The following PARD3B variants were observed in gnomAD, a reference collection of about 807,000 sequenced individuals.
PARD3B encodes par-3 family cell polarity regulator beta, also known as partitioning defective 3 homolog B.
In PARD3B, 103 loss-of-function variants were observed where a neutral mutation model predicts 130.2. The ratio of observed to expected loss-of-function variants is 0.79; its 90% CI spans 0.67 to 0.93. PARD3B has a LOEUF of 0.93. PARD3B is among the 40% of genes least tolerant of loss of function. The pLI is 0.00. For synonymous variants in PARD3B, 583 were observed against 553.2 expected, an observed-to-expected ratio of 1.05 and a Z score of -0.76; for missense variants, 1,609 against 1,499.2, an observed-to-expected ratio of 1.07 and a Z score of -1.21.
At chr2:205,484,278 A>G (rs575486093) in intron 20 of PARD3B, among the ~76,000 whole-genome samples, 2 of 152,314 alleles carry the variant, frequency 1.3e-5, no homozygotes, top group African/African-American at 2.4e-5. Flanking sequence ...GAACACAACA[A>G]ATCCTCTAGG....
chr2:204,600,095 A>T (rs1462985660), intron 1 of PARD3B, among the ~76,000 whole-genome samples: 1 of 151,378 alleles, frequency 6.6e-6, no homozygotes, highest in African/African-American at 2.4e-5. Flanking sequence ...CCCCTGTCAG[A>T]TTGCATGTAT....
chr2:205,153,273 T>A (rs1305478786), intron 10 of PARD3B, among the ~76,000 whole-genome samples: 6 of 152,128 alleles, frequency 3.9e-5, no homozygotes, highest in Non-Finnish European at 7.3e-5. Context: ...TGTTCTCAGA[T>A]CTCAAACTCC....
At chr2:205,505,641 C>T in intron 21 of PARD3B, among the ~76,000 whole-genome samples, 1 of 152,178 alleles carries the variant, frequency 6.6e-6, no homozygotes, top group East Asian at 1.9e-4. Context: ...CAGAGGAAAA[C>T]ATAATACCTG....
At chr2:205,347,349 A>C (rs1289115980) in intron 18 of PARD3B, among the ~76,000 whole-genome samples, 1 of 152,262 alleles carries the variant, frequency 6.6e-6, no homozygotes, top group African/African-American at 2.4e-5. Context: ...GAGTAAAATA[A>C]CCCCTTAAAA....
In PARD3B at chr2:204,705,928, A is replaced by G. The variant is rs559602592; in HGVS notation, c.222+19646A>G. On this transcript the variant is annotated intron_variant, in intron 2 of 22. Transcript: ENST00000406610. ...ACTATGCGGTCCTTTAGTGCTGATC[A>G]TATTTCTGTTCTAAATACTTGGTGC... Among the ~76,000 whole-genome samples the G allele has an allele frequency of 9.2e-5, 14 of 152,246 alleles. No homozygotes were observed. In the East Asian group the frequency reaches 1.4e-3, roughly 15 times the overall value.
Position 204,890,763 on chromosome 2 carries a change from C to G in PARD3B, c.223-74389C>G, listed in dbSNP as rs1246620476. On this transcript the variant is annotated intron_variant, in intron 2 of 22. Transcript: ENST00000406610. This position sits in a 1 kb window ranked among gnomAD's most constrained non-coding sequence, Gnocchi z 4.9. ...AGGGATGTCCCCTCTTGCTCAGCCTCCCATCCTGTGTTCCCTCACTCATTT... is the reference window on the plus strand; with the variant it reads ...AGGGATGTCCCCTCTTGCTCAGCCTGCCATCCTGTGTTCCCTCACTCATTT... 6.6e-6 allele frequency among the ~76,000 whole-genome samples: 1 copy of G among 152,232 alleles called. No homozygotes were observed. The highest frequency in any genetic ancestry group is 1.5e-5 in the Non-Finnish European group (1 of 68,046).
intron 3 of PARD3B, among the ~76,000 whole-genome samples, chr2:205,007,376 G>T (rs1695355220): frequency 6.6e-6 from 1 of 152,226 alleles, no homozygotes; most frequent in Non-Finnish European, 1.5e-5. Flanking sequence ...TAGGATGAGA[G>T]ATGGCGATCC....
At chr2:204,683,190 G>A in intron 1 of PARD3B, among the ~76,000 whole-genome samples, 1 of 152,060 alleles carries the variant, frequency 6.6e-6, no homozygotes, top group East Asian at 1.9e-4. Flanking sequence ...ATGATCCTAG[G>A]AGTATAAGTA....
intron 2 of PARD3B, among the ~76,000 whole-genome samples, chr2:204,771,570 A>G (rs1039448297): frequency 8.5e-5 from 13 of 152,080 alleles, no homozygotes; most frequent in African/African-American, 3.1e-4. Context: ...GTAGGGTACT[A>G]TGCTCACCAC....
rs2030679474 is a variant in PARD3B, at chr2:205,121,276, G to C, written c.807-315G>C. ...AACATGTAAAAGCTGTGGGTCATTG[G>C]ATAAATTATTTCATCTCTCTGAGCC... On this transcript the variant is annotated intron_variant, in intron 7 of 22. Coordinates refer to ENST00000406610, the MANE Select transcript of PARD3B (RefSeq NM_001302769.2). The surrounding 1 kb of genome is among the most constrained non-coding windows in gnomAD (Gnocchi z 5.0). Among the ~76,000 whole-genome samples, 1 of 152,180 alleles carries C rather than the reference G, an allele frequency of 6.6e-6. No homozygotes were observed. Among genetic ancestry groups the C allele is most frequent in the African/African-American group, 2.4e-5 (1 of 41,452 alleles).
At chr2:205,375,799 AG>A (rs1234406545) in intron 18 of PARD3B, among the ~76,000 whole-genome samples, 4 of 152,240 alleles carry the variant, frequency 2.6e-5, no homozygotes, top group African/African-American at 9.6e-5. Context: ...GACAGACTAG[AG>A]GAGAGGTCTT....
intron 1 of PARD3B, among the ~76,000 whole-genome samples, chr2:204,567,166 C>T (rs2031725611): frequency 1.3e-5 from 2 of 152,204 alleles, no homozygotes; most frequent in African/African-American, 2.4e-5. Flanking sequence ...AGGCTTGAGC[C>T]ACTGTGCCCA....
rs568551702 is a variant in PARD3B at position 204,981,515 on chromosome 2, A to G, written c.394+16192A>G. Among the ~76,000 whole-genome samples the G allele has an allele frequency of 2.3e-4, 35 of 152,338 alleles. No homozygotes were observed. In the South Asian group the frequency reaches 5.8e-3, roughly 25 times the overall value. ...TCTGCCTTAAGTTGGTGGGCCAAGCATATGTGGCTATAAAAAAATTAAAAT... is the reference window on the plus strand; with the variant it reads ...TCTGCCTTAAGTTGGTGGGCCAAGCGTATGTGGCTATAAAAAAATTAAAAT... On this transcript the variant is annotated intron_variant, in intron 3 of 22. Transcript: ENST00000406610.
chr2:205,385,294 T>C (rs1456415289), intron 18 of PARD3B, among the ~76,000 whole-genome samples: 1 of 152,114 alleles, frequency 6.6e-6, no homozygotes, highest in African/African-American at 2.4e-5. Flanking sequence ...CCTAGAAATA[T>C]ATTGCCCCTT....
At position 204,725,815 on chromosome 2, in the gene PARD3B, A is replaced by G. The variant is rs976688179; in HGVS notation, c.222+39533A>G. On this transcript the variant is annotated intron_variant, in intron 2 of 22. Transcript: ENST00000406610. ...CCCCTGAGGCCAACTCTGTAAACTTATGGGAGGTAACAGTAAATGTTTCAA... is the reference window on the plus strand; with the variant it reads ...CCCCTGAGGCCAACTCTGTAAACTTGTGGGAGGTAACAGTAAATGTTTCAA... Among the ~76,000 whole-genome samples the G allele has an allele frequency of 7.2e-5, 11 of 152,222 alleles. No homozygotes were observed. In the East Asian group the frequency reaches 1.9e-3, roughly 27 times the overall value.
At position 205,563,479 on chromosome 2, in the gene PARD3B, C is replaced by G. The variant is rs1285189144; in HGVS notation, c.3260+10076C>G. On this transcript the variant is annotated intron_variant, in intron 22 of 22. Coordinates refer to ENST00000406610, the MANE Select transcript of PARD3B (RefSeq NM_001302769.2). This position sits in a 1 kb window ranked among gnomAD's most constrained non-coding sequence, Gnocchi z 4.2. ...TTTAATTTCACTTGACCCCACATGA[C>G]TAACATTGGCAAGTCAAGGAGAGGT... 6.6e-6 allele frequency among the ~76,000 whole-genome samples: 1 copy of G among 152,136 alleles called. No homozygotes were observed. The highest frequency in any genetic ancestry group is 1.5e-5 in the Non-Finnish European group (1 of 68,030).
Position 205,263,053 on chromosome 2 carries a change from G to A in PARD3B, c.2185+17231G>A, listed in dbSNP as rs1559600604. Among the ~76,000 whole-genome samples the A allele has an allele frequency of 1.3e-5, 2 of 151,980 alleles. No individual in the cohort carries two copies. Among genetic ancestry groups the A allele is most frequent in the Non-Finnish European group, 2.9e-5 (2 of 67,944 alleles). On this transcript the variant is annotated intron_variant, in intron 16 of 22. Transcript: ENST00000406610. This position sits in a 1 kb window ranked among gnomAD's most constrained non-coding sequence, Gnocchi z 4.0. Reference sequence around the variant, plus strand: ...GAAAGCCCAAGGTACTGCCATGGGGGTAATTTATGAATCTGGAGAAATAAC... The same window carrying A: ...GAAAGCCCAAGGTACTGCCATGGGGATAATTTATGAATCTGGAGAAATAAC...
chr2:204,663,898 G>C (rs928053742), intron 1 of PARD3B, among the ~76,000 whole-genome samples: 2 of 152,214 alleles, frequency 1.3e-5, no homozygotes, highest in African/African-American at 2.4e-5. Flanking sequence ...ATTTTAAAAA[G>C]TGGTGTTTTT....
At chr2:205,107,635 G>A (rs988527977) in intron 5 of PARD3B, among the ~76,000 whole-genome samples, 3 of 152,180 alleles carry the variant, frequency 2.0e-5, no homozygotes, top group African/African-American at 7.2e-5. Context: ...GAATATAATA[G>A]GGACATATTT....
Sources: gnomAD v4.1 joint callset for allele counts (sites outside exome capture counted in the v4.1 genomes callset) on GRCh38, gnomAD v4.1.1 for gene constraint, Gnocchi (gnomAD v3.1) non-coding constraint, MANE v1.5 for transcripts, NCBI Gene and HGNC (gene_info 2026-07-23, HGNC 2026-07-21) for gene names.